The following TNR variants were observed in gnomAD, a reference collection of about 807,000 sequenced individuals.
TNR encodes the protein tenascin-R.
A neutral mutation model predicts 150.4 loss-of-function variants in TNR; 45 were observed. The observed-to-expected ratio is 0.30, with a 90% CI of 0.24 to 0.38. The LOEUF is 0.38. Ranked by LOEUF, TNR falls within the 10% of genes least tolerant of loss-of-function variation. TNR has a pLI of 1.00. For missense variants in TNR, 1,544 were observed against 1,759.1 expected, an observed-to-expected ratio of 0.88 and a Z score of 2.19; for synonymous variants, 687 against 678.4, an observed-to-expected ratio of 1.01 and a Z score of -0.20.
intron 1 of TNR, among the ~76,000 whole-genome samples, chr1:175,551,950 C>T (rs1660959214): frequency 6.6e-6 from 1 of 152,046 alleles, no homozygotes; most frequent in Non-Finnish European, 1.5e-5. Context: ...AGTTGTAAAT[C>T]AACATATGAT....
intron 2 of TNR, among the ~76,000 whole-genome samples, chr1:175,507,788 G>A (rs901247090): frequency 4.6e-5 from 7 of 152,144 alleles, no homozygotes; most frequent in African/African-American, 1.7e-4. Context: ...ATGTTTTCAT[G>A]TCTCTGTCTG....
At chr1:175,336,559 G>C (rs1281434177) in intron 19 of TNR, among the ~76,000 whole-genome samples, 2 of 152,254 alleles carry the variant, frequency 1.3e-5, no homozygotes, top group African/African-American at 4.8e-5. Context: ...GGGCCAAGTG[G>C]TGGGAACTCC....
chr1:175,719,439 C>T (rs914020467), intron 1 of TNR, among the ~76,000 whole-genome samples: 4 of 152,152 alleles, frequency 2.6e-5, no homozygotes, highest in Admixed American at 6.5e-5. Context: ...AGTTTTGAGC[C>T]GAGGTTCCCA....
chr1:175,366,284 G>T (rs1651839426), intron 10 of TNR, 146 bp from the exon 11 acceptor site: 8 of 853,094 alleles, frequency 9.4e-6, no homozygotes, highest in Non-Finnish European at 1.4e-5. Flanking sequence ...CTAATATTTT[G>T]CTAAGTACCT....
chr1:175,591,111 T>A (rs980687300), intron 1 of TNR, among the ~76,000 whole-genome samples: 3 of 152,190 alleles, frequency 2.0e-5, no homozygotes, highest in African/African-American at 4.8e-5. Context: ...GGTCTCAAGA[T>A]GCCACATCCT....
chr1:175,421,248 G>A (rs908847242), intron 2 of TNR, among the ~76,000 whole-genome samples: 2 of 152,166 alleles, frequency 1.3e-5, no homozygotes, highest in Non-Finnish European at 2.9e-5. Context: ...TCCAGGACTG[G>A]ATCACCAGGC....
rs532606019 is a variant in TNR, at chr1:175,315,830, G to C, written c.*7527C>G. ...TGTGTGCATGTGTGTGTGTGTGTGT[G>C]TGTGTGTGTGTGTGTGAATGATTGG... On this transcript the variant is annotated 3_prime_UTR_variant, in exon 23 of 23. Transcript: ENST00000367674. 314 of 152,518 alleles carry C rather than the reference G, an allele frequency of 2.1e-3. No individual in the cohort carries two copies. Among genetic ancestry groups the C allele is most frequent in the African/African-American group, 6.9e-3 (288 of 41,514 alleles). The allele number at this position is 152,518 out of a possible 1,614,324, so 9.4% of individuals were successfully genotyped here. A position where few individuals can be genotyped will look rare whatever the true frequency, so the allele number is the denominator to read the frequency against.
At chr1:175,538,351 A>T (rs905455340) in intron 1 of TNR, among the ~76,000 whole-genome samples, 4 of 150,106 alleles carry the variant, frequency 2.7e-5, no homozygotes, top group Non-Finnish European at 4.4e-5. Flanking sequence ...TTTCCTGAGA[A>T]AAAAAAGGTT....
chr1:175,405,225 G>A (rs868282778), intron 3 of TNR, among the ~76,000 whole-genome samples: 34 of 152,328 alleles, frequency 2.2e-4, no homozygotes, highest in Middle Eastern at 3.4e-3. Context: ...ACTCATTGGC[G>A]TCAGCCGATA....
At chr1:175,657,930 A>G (rs1358627867) in intron 1 of TNR, among the ~76,000 whole-genome samples, 1 of 92,924 alleles carries the variant, frequency 1.1e-5, no homozygotes, top group African/African-American at 3.4e-5. Context: ...AACTTAAAGT[A>G]TAATAAAAAA....
intron 1 of TNR, among the ~76,000 whole-genome samples, chr1:175,721,432 G>C (rs1471385816): frequency 6.6e-6 from 1 of 152,144 alleles, no homozygotes; most frequent in African/African-American, 2.4e-5. Flanking sequence ...TATGCTCTTA[G>C]TGGGGCAGTA....
chr1:175,657,613 C>T (rs1193655242), intron 1 of TNR, among the ~76,000 whole-genome samples: 1 of 151,566 alleles, frequency 6.6e-6, no homozygotes, highest in Non-Finnish European at 1.5e-5. Flanking sequence ...AGTTCATGTC[C>T]TTTGTAGGGA....
chr1:175,471,369 A>T (rs573023222), intron 2 of TNR, among the ~76,000 whole-genome samples: 1 of 152,314 alleles, frequency 6.6e-6, no homozygotes, highest in African/African-American at 2.4e-5. Flanking sequence ...TCGTTAGTCG[A>T]CTGTGTGAAC....
intron 10 of TNR, 82 bp downstream of exon 10, chr1:175,367,126 A>T: frequency 7.8e-7 from 1 of 1,276,072 alleles, no homozygotes. Context: ...CTTTCTGATT[A>T]ATTTTTGCTG....
rs909235807 is a variant in TNR, at chr1:175,317,339, G to A, written c.*6018C>T. On this transcript the variant is annotated 3_prime_UTR_variant, in exon 23 of 23. Transcript: ENST00000367674. ...TTTCTTGCCCTTGGTTTCCTTGAGAGGAAATAAAATGAGAGGATTATATTA... is the reference window on the plus strand; with the variant it reads ...TTTCTTGCCCTTGGTTTCCTTGAGAAGAAATAAAATGAGAGGATTATATTA... The A allele has an allele frequency of 1.3e-5, 2 of 152,184 alleles. No individual in the cohort carries two copies. The highest frequency in any genetic ancestry group is 2.9e-5 in the Non-Finnish European group (2 of 68,030). The allele number at this position is 152,184 out of a possible 1,614,324, so 9.4% of individuals were successfully genotyped here.
chr1:175,379,928 G>A (rs1039733979), intron 8 of TNR, among the ~76,000 whole-genome samples, 191 bp from the exon 9 acceptor site: 3 of 152,172 alleles, frequency 2.0e-5, no homozygotes, highest in African/African-American at 7.2e-5. Context: ...AGGTTAGAGT[G>A]ATACTTGGGA....
chr1:175,353,851 A>ACT (rs1651186731), intron 18 of TNR, among the ~76,000 whole-genome samples: 1 of 146,138 alleles, frequency 6.8e-6, no homozygotes, highest in Admixed American at 6.8e-5. Flanking sequence ...ATTTTTATTT[A>ACT]TTTTTTTTTT....
At chr1:175,598,841 A>G (rs1320873012) in intron 1 of TNR, among the ~76,000 whole-genome samples, 2 of 151,994 alleles carry the variant, frequency 1.3e-5, no homozygotes, top group Non-Finnish European at 2.9e-5. Context: ...CATGTAAATC[A>G]CTCTGCCACT....
At chr1:175,494,871 T>C (rs1423669660) in intron 2 of TNR, among the ~76,000 whole-genome samples, 1 of 152,194 alleles carries the variant, frequency 6.6e-6, no homozygotes, top group African/African-American at 2.4e-5. Context: ...CGGTTCTTAG[T>C]GTCTAAAACA....
Sources: allele counts gnomAD v4.1 joint callset (sites outside exome capture counted in the v4.1 genomes callset), GRCh38; gene constraint gnomAD v4.1.1; transcripts MANE v1.5; gene names NCBI Gene and HGNC (gene_info 2026-07-23, HGNC 2026-07-21).